RAB15: variants seen among roughly 807,000 people sequenced by gnomAD.
RAB15 encodes the protein RAB15, member RAS oncogene family.
In RAB15, 13 loss-of-function variants were observed where a neutral mutation model predicts 31.8. The ratio of observed to expected loss-of-function variants is 0.41; its 90% CI spans 0.27 to 0.65. The LOEUF is 0.65. RAB15 is among the 30% of genes least tolerant of loss of function. The pLI, the probability that RAB15 is intolerant of heterozygous loss-of-function variation, is 0.32. For missense variants in RAB15, 220 were observed against 277.3 expected, an observed-to-expected ratio of 0.79 and a Z score of 1.47; for synonymous variants, 100 against 105.6, an observed-to-expected ratio of 0.95 and a Z score of 0.33.
In RAB15 at chr14:64,971,768, G is replaced by GGCA. The variant is rs567824496; in HGVS notation, c.124+182_124+184dup. 2.2e-4 allele frequency: 133 copies of GGCA among 601,272 alleles called. 1 individual carries two copies. Among genetic ancestry groups the GGCA allele is most frequent in the African/African-American group, 2.2e-3 (114 of 52,498 alleles). 37.2% of individuals were successfully genotyped at this position (601,272 alleles called of 1,614,324 possible). ...GACCCCACCCCTGGTCCGGACGGCA[G>GGCA]GCAGCAGGGACACCCTCACCTGCCA... is the stretch of plus-strand genomic sequence containing the variant. On this transcript the variant is annotated intron_variant, in intron 1 of 6. Transcript: ENST00000533601. This position sits in a 1 kb window ranked among gnomAD's most constrained non-coding sequence, Gnocchi z 4.1.
Position 64,952,182 on chromosome 14 carries a change from G to A in RAB15, c.185+329C>T, listed in dbSNP as rs770872189. On this transcript the variant is annotated intron_variant, in intron 2 of 6. Transcript: ENST00000533601. This position sits in a 1 kb window ranked among gnomAD's most constrained non-coding sequence, Gnocchi z 4.2. Reference sequence around the variant, plus strand: ...TCAGGGTCTCGCCCTAAATGATGGGGGGTGTAGCCTCCTTCCTTCCAATCT... The same window carrying A: ...TCAGGGTCTCGCCCTAAATGATGGGAGGTGTAGCCTCCTTCCTTCCAATCT... 8.3e-4 allele frequency among the ~76,000 whole-genome samples: 126 copies of A among 152,278 alleles called. 1 individual carries two copies. The Middle Eastern group carries it at 0.02, about 25-fold the overall frequency.
chr14:64,952,888 C>G lies in RAB15; in HGVS notation c.125-317G>C, dbSNP rs1657020590. Among the ~76,000 whole-genome samples the G allele has an allele frequency of 6.6e-6, 1 of 152,254 alleles. No individual in the cohort carries two copies. Among genetic ancestry groups the G allele is most frequent in the Non-Finnish European group, 1.5e-5 (1 of 68,038 alleles). ...GACTTAAAACATGTCTCGTTCTAGT[C>G]ATGTGTGAAGTCTTCCTATTTATAC... On this transcript the variant is annotated intron_variant, in intron 1 of 6. Transcript: ENST00000533601. The surrounding 1 kb of genome is among the most constrained non-coding windows in gnomAD (Gnocchi z 4.2).
chr14:64,949,152 A>C (rs1886088463), intron 5 of RAB15, among the ~76,000 whole-genome samples: 1 of 152,220 alleles, frequency 6.6e-6, no homozygotes, highest in African/African-American at 2.4e-5. Flanking sequence ...TCTTCTGTTA[A>C]AGGAGACTGA....
chr14:64,964,484 C>T (rs1447233369), intron 1 of RAB15, among the ~76,000 whole-genome samples: 13 of 131,666 alleles, frequency 9.9e-5, no homozygotes, highest in Admixed American at 4.0e-4. Flanking sequence ...ATCTCCACTG[C>T]AATCCAGCCT....
intron 1 of RAB15, among the ~76,000 whole-genome samples, chr14:64,963,349 T>C (rs1821263583): frequency 6.6e-6 from 1 of 151,986 alleles, no homozygotes; most frequent in Non-Finnish European, 1.5e-5. Flanking sequence ...TTCCCCTTGC[T>C]TTTCCCACTG....
In RAB15 at chr14:64,952,890, T is replaced by C. The variant is rs1260755930; in HGVS notation, c.125-319A>G. ...CTTAAAACATGTCTCGTTCTAGTCA[T>C]GTGTGAAGTCTTCCTATTTATACTT... On this transcript the variant is annotated intron_variant, in intron 1 of 6. Coordinates refer to ENST00000533601, the MANE Select transcript of RAB15 (RefSeq NM_001308154.2). This position sits in a 1 kb window ranked among gnomAD's most constrained non-coding sequence, Gnocchi z 4.2. Among the ~76,000 whole-genome samples, 3 of 152,392 alleles carry C rather than the reference T, an allele frequency of 2.0e-5. No homozygotes were observed. Among genetic ancestry groups the C allele is most frequent in the Non-Finnish European group, 2.9e-5 (2 of 68,038 alleles).
chr14:64,957,573 C>T (rs1488487068), intron 1 of RAB15, among the ~76,000 whole-genome samples: 7 of 152,208 alleles, frequency 4.6e-5, no homozygotes, highest in Admixed American at 4.6e-4. Context: ...CACCCAGGTG[C>T]ATAGTGCTTG....
intron 5 of RAB15, among the ~76,000 whole-genome samples, chr14:64,949,470 C>T (rs1566841330): frequency 6.6e-6 from 1 of 152,178 alleles, no homozygotes; most frequent in Non-Finnish European, 1.5e-5. Flanking sequence ...CCTGTAATCC[C>T]AGCACTTTGG....
chr14:64,957,443 A>G (rs1387976444), intron 1 of RAB15, among the ~76,000 whole-genome samples: 1 of 152,126 alleles, frequency 6.6e-6, no homozygotes, highest in Non-Finnish European at 1.5e-5. Flanking sequence ...CCTACTAACC[A>G]GGTACCCTTG....
chr14:64,956,846 T>C (rs965214642), intron 1 of RAB15, among the ~76,000 whole-genome samples: 1 of 152,208 alleles, frequency 6.6e-6, no homozygotes, highest in Non-Finnish European at 1.5e-5. Flanking sequence ...GAAACATCCA[T>C]TGGCCTGGAG....
Position 64,951,050 on chromosome 14 carries a change from C to G in RAB15, c.324+24G>C. On this transcript the variant is annotated intron_variant, in intron 4 of 6. Coordinates refer to ENST00000533601, the MANE Select transcript of RAB15 (RefSeq NM_001308154.2). This position sits in a 1 kb window ranked among gnomAD's most constrained non-coding sequence, Gnocchi z 7.2. ...CCGGTGAGGCACCCTCTCCACACCCCGGCAGTGAGGTGGCATCTCCTACCT... is the reference window on the plus strand; with the variant it reads ...CCGGTGAGGCACCCTCTCCACACCCGGGCAGTGAGGTGGCATCTCCTACCT... 1 of 1,613,388 alleles carries G rather than the reference C, an allele frequency of 6.2e-7. No homozygotes were observed. Among genetic ancestry groups the G allele is most frequent in the Non-Finnish European group, 8.5e-7 (1 of 1,179,990 alleles).
rs1886021647 is a variant in RAB15 at position 64,948,247 on chromosome 14, G to C, written c.*107C>G. The C allele has an allele frequency of 8.3e-7, 1 of 1,197,632 alleles. No homozygotes were observed. Among genetic ancestry groups the C allele is most frequent in the East Asian group, 2.7e-5 (1 of 37,432 alleles). The allele number at this position is 1,197,632 out of a possible 1,614,324, so 74.2% of individuals were successfully genotyped here. A position where few individuals can be genotyped will look rare whatever the true frequency, so the allele number is the denominator to read the frequency against. On this transcript the variant is annotated 3_prime_UTR_variant, in exon 7 of 7. Coordinates refer to ENST00000533601, the MANE Select transcript of RAB15 (RefSeq NM_001308154.2). The surrounding 1 kb of genome is among the most constrained non-coding windows in gnomAD (Gnocchi z 7.0). Reference sequence around the variant, plus strand: ...GAGTAGTGGCTACTGATACTCAATAGGGTCATCACACGAGAGGACAGCAGC... The same window carrying C: ...GAGTAGTGGCTACTGATACTCAATACGGTCATCACACGAGAGGACAGCAGC...
chr14:64,948,384 T>A lies in RAB15; in HGVS notation c.609A>T (p.Pro203=), dbSNP rs770399526. The A allele has an allele frequency of 6.2e-7, 1 of 1,604,578 alleles. No individual in the cohort carries two copies. The highest frequency in any genetic ancestry group is 2.2e-5 in the East Asian group (1 of 44,826). The change falls in exon 7 of 7, where the codon CCA becomes CCT. Residue 203 remains proline (P), a synonymous_variant. Coordinates refer to ENST00000533601, the MANE Select transcript of RAB15 (RefSeq NM_001308154.2). The surrounding 1 kb of genome is among the most constrained non-coding windows in gnomAD (Gnocchi z 7.0). ...ACCAGCAGGTTTTCGAAGAGTTCGCTGGGCCCTCGGGTTTGCCCTCCTCCT... is the reference window on the plus strand; with the variant it reads ...ACCAGCAGGTTTTCGAAGAGTTCGCAGGGCCCTCGGGTTTGCCCTCCTCCT... ...LEEEEGKPEG[P]ANSSKTCWC is the part of the protein sequence containing the mutation.
At position 64,952,639 on chromosome 14, in the gene RAB15, G is replaced by A; in HGVS notation, c.125-68C>T. 1 of 1,142,676 alleles carries A rather than the reference G, an allele frequency of 8.8e-7. No individual in the cohort carries two copies. The allele number at this position is 1,142,676 out of a possible 1,614,324, so 70.8% of individuals were successfully genotyped here. A position where few individuals can be genotyped will look rare whatever the true frequency, so the allele number is the denominator to read the frequency against. On this transcript the variant is annotated intron_variant, in intron 1 of 6. Transcript: ENST00000533601. This position sits in a 1 kb window ranked among gnomAD's most constrained non-coding sequence, Gnocchi z 4.2. Reference sequence around the variant, plus strand: ...CGAGAAATGAACAGGAAAGGGCCAGGCAATCACACTTGAAAGGTTTCCTTT... The same window carrying A: ...CGAGAAATGAACAGGAAAGGGCCAGACAATCACACTTGAAAGGTTTCCTTT...
At position 64,950,129 on chromosome 14, in the gene RAB15, C is replaced by T. The variant is rs533420721; in HGVS notation, c.414+196G>A. Among the ~76,000 whole-genome samples, 3 of 152,230 alleles carry T rather than the reference C, an allele frequency of 2.0e-5. No homozygotes were observed. Among genetic ancestry groups the T allele is most frequent in the Admixed American group, 6.5e-5 (1 of 15,298 alleles). Reference sequence around the variant, plus strand: ...GACGTCTTTGTTTCTGGATGGACCCCGAATCTCTGGGCTTCTGTCCTGAAA... The same window carrying T: ...GACGTCTTTGTTTCTGGATGGACCCTGAATCTCTGGGCTTCTGTCCTGAAA... On this transcript the variant is annotated intron_variant, in intron 5 of 6. Coordinates refer to ENST00000533601, the MANE Select transcript of RAB15 (RefSeq NM_001308154.2). The surrounding 1 kb of genome is among the most constrained non-coding windows in gnomAD (Gnocchi z 5.6).
At position 64,958,868 on chromosome 14, in the gene RAB15, C is replaced by A. The variant is rs1886711858; in HGVS notation, c.125-6297G>T. Among the ~76,000 whole-genome samples the A allele has an allele frequency of 6.6e-6, 1 of 152,196 alleles. No homozygotes were observed. The highest frequency in any genetic ancestry group is 6.5e-5 in the Admixed American group (1 of 15,282). On this transcript the variant is annotated intron_variant, in intron 1 of 6. Coordinates refer to ENST00000533601, the MANE Select transcript of RAB15 (RefSeq NM_001308154.2). This position sits in a 1 kb window ranked among gnomAD's most constrained non-coding sequence, Gnocchi z 4.4. ...CACATTAGATATGCCCATCATGGTG[C>A]CTGCCACACCCTGTGTCCCTTTCTG...
Position 64,951,614 on chromosome 14 carries a change from G to T in RAB15, c.235C>A (p.Arg79=), listed in dbSNP as rs1445852274. ...RYQTITKQYY[R]RAQGIFLVYD... Reference sequence around the variant, plus strand: ...ATGTGGTGGCTTACCTGGGCCCGCCGATAGTACTGCTTTGTGATGGTCTGG... The same window carrying T: ...ATGTGGTGGCTTACCTGGGCCCGCCTATAGTACTGCTTTGTGATGGTCTGG... The change falls in exon 3 of 7, where the codon CGG becomes AGG. Residue 79 remains arginine (R), a synonymous_variant. Transcript: ENST00000533601. This position sits in a 1 kb window ranked among gnomAD's most constrained non-coding sequence, Gnocchi z 7.2. The T allele has an allele frequency of 1.5e-5, 24 of 1,614,048 alleles. No homozygotes were observed. The highest frequency in any genetic ancestry group is 1.9e-5 in the Non-Finnish European group (22 of 1,180,012).
Position 64,962,665 on chromosome 14 carries a change from A to G in RAB15, c.124+9288T>C, listed in dbSNP as rs1026345822. Among the ~76,000 whole-genome samples the G allele has an allele frequency of 6.6e-6, 1 of 152,224 alleles. No individual in the cohort carries two copies. The highest frequency in any genetic ancestry group is 1.5e-5 in the Non-Finnish European group (1 of 68,032). On this transcript the variant is annotated intron_variant, in intron 1 of 6. Transcript: ENST00000533601. This position sits in a 1 kb window ranked among gnomAD's most constrained non-coding sequence, Gnocchi z 4.2. ...CAGGGAGATCCAAAGAATCAGGTAG[A>G]GGAAGCAGCAAAGATCCTGTGGCAG...
chr14:64,959,728 C>T (rs529954965), intron 1 of RAB15, among the ~76,000 whole-genome samples: 184 of 151,064 alleles, frequency 1.2e-3, no homozygotes, highest in African/African-American at 4.2e-3. Flanking sequence ...ACAAAAAAAC[C>T]CAGGTGTGAT....
Sources: gnomAD v4.1 joint callset for allele counts (sites outside exome capture counted in the v4.1 genomes callset) on GRCh38, gnomAD v4.1.1 for gene constraint, Gnocchi (gnomAD v3.1) non-coding constraint, MANE v1.5 for transcripts, NCBI Gene and HGNC (gene_info 2026-07-23, HGNC 2026-07-21) for gene names.